The following COL1A2 variants were observed in gnomAD, a reference collection of about 807,000 sequenced individuals.
COL1A2 encodes the protein collagen type I alpha 2 chain, also known as collagen alpha-2(I) chain.
COL1A2 carries 49 observed loss-of-function variants against 174.3 expected under a neutral mutation model. That is an observed-to-expected ratio of 0.28 (90% CI 0.22 to 0.36). COL1A2 has a LOEUF of 0.36. COL1A2 is among the 10% of genes least tolerant of loss of function. The probability of loss-of-function intolerance (pLI) is 1.00; values close to 1 mark genes in which losing one functional copy is unlikely to be tolerated. For missense variants in COL1A2, 1,438 were observed against 1,822.7 expected (o/e 0.79, Z 3.84); for synonymous variants, 655 against 606.6 (o/e 1.08, Z -1.17).
intron 34 of COL1A2, 47 bp downstream of exon 34, chr7:94,419,598 C>T (rs777077437): frequency 2.1e-5 from 33 of 1,606,874 alleles, no homozygotes; most frequent in Non-Finnish European, 2.5e-5. Context: ...TAAAATTTCC[C>T]GCCTTCCCTA....
At chr7:94,403,855 G>A (rs1354162470) in intron 6 of COL1A2, among the ~76,000 whole-genome samples, 1 of 152,098 alleles carries the variant, frequency 6.6e-6, no homozygotes, top group Non-Finnish European at 1.5e-5. Context: ...ACTATTAACA[G>A]CCTGTTTTAC....
chr7:94,412,471 A>G, intron 24 of COL1A2, 113 bp from the exon 25 acceptor site: 1 of 817,424 alleles, frequency 1.2e-6, no homozygotes, highest in Non-Finnish European at 2.0e-6. Context: ...CGCTTTATAC[A>G]AGAAGCTCTA....
In COL1A2 at chr7:94,421,021, C is replaced by A. The variant is rs766370737; in HGVS notation, c.2308C>A (p.Pro770Thr). The A allele has an allele frequency of 1.2e-6, 2 of 1,612,752 alleles. No homozygotes were observed. The highest frequency in any genetic ancestry group is 1.7e-6 in the Non-Finnish European group (2 of 1,178,958). Residue 770 changes from proline (P) to threonine (T), a missense_variant, in exon 38 of 52, where the codon CCC becomes ACC. Around this residue, in one of 3 missense-constraint regions of COL1A2, gnomAD observed 867 missense variants for 1,213.7 expected, o/e 0.71. Transcript: ENST00000297268. ...TGTTTGCATTTAGGGTCCAAATGGT[C>A]CCCCCGGTCCTGCTGGAAGTCGTGG... ...GAAGPAGPNG[P>T]PGPAGSRGDG...
chr7:94,427,736 C>G lies in COL1A2; in HGVS notation c.3377C>G (p.Pro1126Arg), dbSNP rs1305822064. Residue 1126 changes from proline to arginine, a missense_variant, in exon 49 of 52, where the codon CCT becomes CGT. Transcript: ENST00000297268. ...FYRADQPRSAPSLRPKDYEVD... is the reference protein window; with the variant it reads ...FYRADQPRSARSLRPKDYEVD... ...AGGGCTGACCAGCCTCGCTCAGCAC[C>G]TTCTCTCAGACCCAAGGACTATGAA... 1.2e-6 allele frequency: 2 copies of G among 1,614,146 alleles called. No homozygotes were observed. Among genetic ancestry groups the G allele is most frequent in the Non-Finnish European group, 8.5e-7 (1 of 1,180,040 alleles).
intron 2 of COL1A2, among the ~76,000 whole-genome samples, chr7:94,398,060 A>G (rs546843382): frequency 6.6e-6 from 1 of 152,266 alleles, no homozygotes; most frequent in Admixed American, 6.5e-5. Flanking sequence ...AGAAGATTTC[A>G]CTGAGCTAGA....
intron 41 of COL1A2, chr7:94,424,912 G>A (rs997889575): frequency 1.5e-5 from 9 of 602,268 alleles, no homozygotes; most frequent in South Asian, 1.9e-5. Context: ...GCAACATCCC[G>A]TGATTACATA....
At chr7:94,412,291 G>A (rs1403158146) in intron 24 of COL1A2, among the ~76,000 whole-genome samples, 170 bp downstream of exon 24, 1 of 151,822 alleles carries the variant, frequency 6.6e-6, no homozygotes, top group Non-Finnish European at 1.5e-5. Flanking sequence ...AATGAATACA[G>A]GACTGAAAGC....
chr7:94,408,296 T>C, intron 14 of COL1A2, 40 bp from the exon 15 acceptor site: 1 of 1,613,986 alleles, frequency 6.2e-7, no homozygotes, highest in Non-Finnish European at 8.5e-7. Flanking sequence ...ATGGCTGTCA[T>C]TTAAGTTTCC....
At chr7:94,414,163 T>G in intron 28 of COL1A2, 59 bp from the exon 29 acceptor site, 1 of 1,576,160 alleles carries the variant, frequency 6.3e-7, no homozygotes, top group Non-Finnish European at 8.7e-7. Flanking sequence ...AACTCAATTA[T>G]TAGCAAATCT....
chr7:94,410,365 A>G (rs1584319806), intron 20 of COL1A2, 55 bp from the exon 21 acceptor site: 1 of 1,586,230 alleles, frequency 6.3e-7, no homozygotes. Flanking sequence ...CCAGCTGGAC[A>G]TAGTATTAAA....
chr7:94,429,897 G>A (rs928427829), intron 51 of COL1A2: 2 of 303,948 alleles, frequency 6.6e-6, no homozygotes, highest in African/African-American at 2.2e-5. Context: ...TTCACTAACA[G>A]CAAGACTACA....
intron 49 of COL1A2, 44 bp downstream of exon 49, chr7:94,427,929 G>C (rs769777697): frequency 6.2e-7 from 1 of 1,606,926 alleles, no homozygotes; most frequent in African/African-American, 1.3e-5. Context: ...CTCACAAGTT[G>C]AGCTTTTCAA....
At chr7:94,400,372 G>T in intron 5 of COL1A2, 84 bp downstream of exon 5, 1 of 1,171,378 alleles carries the variant, frequency 8.5e-7, no homozygotes. Context: ...AGCAGTTAAG[G>T]GATAATTCTT....
intron 1 of COL1A2, among the ~76,000 whole-genome samples, chr7:94,395,865 T>A (rs931296070): frequency 5.3e-5 from 8 of 152,222 alleles, no homozygotes; most frequent in Admixed American, 5.2e-4. Flanking sequence ...TAACATTTTT[T>A]AACTCAAATC....
rs143211880 is a variant in COL1A2 at position 94,396,145 on chromosome 7, TGAA to T, written c.70+1050_70+1052del. Among the ~76,000 whole-genome samples the T allele has an allele frequency of 5.3e-3, 806 of 152,234 alleles. 5 individuals carry two copies. Among genetic ancestry groups the T allele is most frequent in the Non-Finnish European group, 9.3e-3 (630 of 68,024 alleles). ...GCCAGACTTTCATGTCAACAGAGAA[TGAA>T]GAAGATCAGTCCGTTTTCATCTTGA... is the stretch of plus-strand genomic sequence containing the variant. On this transcript the variant is annotated intron_variant, in intron 1 of 51. Transcript: ENST00000297268.
At position 94,412,734 on chromosome 7, in the gene COL1A2, T is replaced by TACCAAAC. The variant is rs776450887; in HGVS notation, c.1503+53_1503+59dup. On this transcript the variant is annotated intron_variant, in intron 25 of 51. Coordinates refer to ENST00000297268, the MANE Select transcript of COL1A2 (RefSeq NM_000089.4). ...CTCAGCACTTTCTGTAGCCAAATTT[T>TACCAAAC]ACCAAACTCTAGTATTTATCTCCTG... is the stretch of plus-strand genomic sequence containing the variant. The TACCAAAC allele has an allele frequency of 1.9e-4, 287 of 1,486,704 alleles. No individual in the cohort carries two copies. The East Asian group carries it at 5.7e-3, about 30-fold the overall frequency. The allele number at this position is 1,486,704 out of a possible 1,614,324, so 92.1% of individuals were successfully genotyped here. A position where few individuals can be genotyped will look rare whatever the true frequency, so the allele number is the denominator to read the frequency against.
At chr7:94,396,886 G>A (rs1791595470) in intron 1 of COL1A2, among the ~76,000 whole-genome samples, 1 of 152,142 alleles carries the variant, frequency 6.6e-6, no homozygotes, top group Non-Finnish European at 1.5e-5. Flanking sequence ...CCTACTGCAA[G>A]CTTGGCCACA....
At chr7:94,416,704 G>A in intron 31 of COL1A2, 1 of 580,508 alleles carries the variant, frequency 1.7e-6, no homozygotes, top group East Asian at 2.8e-5. Context: ...AAACTGTGGG[G>A]GAAAATTCAG....
At position 94,409,771 on chromosome 7, in the gene COL1A2, A is replaced by G; in HGVS notation, c.985A>G (p.Ile329Val). 1 of 1,614,106 alleles carries G rather than the reference A, an allele frequency of 6.2e-7. No individual in the cohort carries two copies. Among genetic ancestry groups the G allele is most frequent in the Non-Finnish European group, 8.5e-7 (1 of 1,180,018 alleles). The change falls in exon 19 of 52, where the codon ATT becomes GTT. Residue 329 changes from isoleucine to valine, a missense_variant. This residue lies in a region of COL1A2 where 867 missense variants were observed against 1,213.7 expected (regional missense o/e 0.71). Transcript: ENST00000297268. ...GAPGLPGPRG[I>V]PGPVGAAGAT... ...TCCCGGCCTCCCTGGACCCCGCGGT[A>G]TTCCTGGCCCTGTTGGTGCTGCCGG...
Sources: allele counts gnomAD v4.1 joint callset (sites outside exome capture counted in the v4.1 genomes callset), GRCh38; gene constraint gnomAD v4.1.1; regional missense constraint gnomAD v4.1.1; transcripts MANE v1.5; gene names NCBI Gene and HGNC (gene_info 2026-07-23, HGNC 2026-07-21).